Variants in ANO7 observed in about 807,000 individuals in gnomAD.
ANO7 encodes the protein anoctamin-7.
A neutral mutation model predicts 115.8 loss-of-function variants in ANO7; 114 were observed. That is an observed-to-expected ratio of 0.98 (90% CI 0.85 to 1.15). ANO7 has a LOEUF of 1.15. Among genes scored for constraint, ANO7 ranks in the 50% most tolerant of loss-of-function variants. The pLI, the probability that ANO7 is intolerant of heterozygous loss-of-function variation, is 0.00. For synonymous variants in ANO7, 550 were observed against 498.2 expected (o/e 1.10, Z -1.38); for missense variants, 1,302 against 1,201.2 (o/e 1.08, Z -1.24).
chr2:241,202,022 G>A (rs2068483980), intron 7 of ANO7, among the ~76,000 whole-genome samples, 172 bp from the exon 8 acceptor site: 1 of 152,240 alleles, frequency 6.6e-6, no homozygotes, highest in South Asian at 2.1e-4. Flanking sequence ...CGTCCTGCAT[G>A]TGCATGTGCG....
chr2:241,208,961 A>C (rs913675416), intron 11 of ANO7, among the ~76,000 whole-genome samples: 3 of 152,228 alleles, frequency 2.0e-5, no homozygotes, highest in East Asian at 1.9e-4. Flanking sequence ...CATCCTGGCT[A>C]ACACGGTGAA....
chr2:241,229,438 G>A (rs567881180), downstream of ANO7: 53 of 586,668 alleles, frequency 9.0e-5, no homozygotes, highest in African/African-American at 5.4e-4. Flanking sequence ...CTGGAGGAGC[G>A]GCCGCACACA....
At chr2:241,219,843 G>A (rs2068967798) in intron 21 of ANO7, among the ~76,000 whole-genome samples, 1 of 151,612 alleles carries the variant, frequency 6.6e-6, no homozygotes, top group Non-Finnish European at 1.5e-5. Flanking sequence ...AAAGCACTGG[G>A]ATTACAGGCA....
At chr2:241,208,926 G>T (rs1192517219) in intron 11 of ANO7, among the ~76,000 whole-genome samples, 1 of 152,098 alleles carries the variant, frequency 6.6e-6, no homozygotes, top group East Asian at 1.9e-4. Flanking sequence ...AAGGCGGGTG[G>T]ATCACAAGGT....
At chr2:241,235,363 G>A in the ANO7 span, 3 of 1,538,400 alleles carry the variant, frequency 2.0e-6, no homozygotes, top group African/African-American at 2.7e-5. Context: ...CCGCCGTGAA[G>A]GGAAGTCAGT....
rs534482633 is a variant in ANO7, at chr2:241,209,663, CGCCTCCAT to C, written c.1359+29_1359+36del. On this transcript the variant is annotated intron_variant, in intron 13 of 24. Coordinates refer to ENST00000674324, the MANE Select transcript of ANO7 (RefSeq NM_001370694.2). ...ATGCGGTCCCCCTGCCCTCCGCTCACGCCTCCATCCTCCTGCACCATGTGGGGTGGTTT... is the reference window on the plus strand; with the variant it reads ...ATGCGGTCCCCCTGCCCTCCGCTCACCCTCCTGCACCATGTGGGGTGGTTT... 6.1e-4 allele frequency: 919 copies of C among 1,512,294 alleles called. 10 individuals are homozygous for C. The South Asian group carries it at 0.011, about 18-fold the overall frequency. 93.7% of individuals were successfully genotyped at this position (1,512,294 alleles called of 1,614,324 possible).
intron 1 of ANO7, among the ~76,000 whole-genome samples, chr2:241,189,576 G>T (rs2149087013): frequency 6.6e-6 from 1 of 152,258 alleles, no homozygotes; most frequent in South Asian, 2.1e-4. Flanking sequence ...GCCTTGCTGG[G>T]GAGCTCAGGG....
Position 241,217,843 on chromosome 2 carries a change from C to G in ANO7, c.2130C>G (p.Ile710Met), listed in dbSNP as rs1304438556. The G allele has an allele frequency of 6.2e-7, 1 of 1,607,528 alleles. No homozygotes were observed. The highest frequency in any genetic ancestry group is 8.5e-7 in the Non-Finnish European group (1 of 1,178,454). Residue 710 changes from isoleucine to methionine, a missense_variant, in exon 20 of 25, where the codon ATC becomes ATG. By Grantham distance (10) the Ile-to-Met change is conservative. Transcript: ENST00000674324. ...CCGAGCGCGCCCAGGACATCGGCAT[C>G]TGGTTCCACATCCTGGCGGGCCTCA... The part of the protein sequence containing the change: ...PVAERAQDIG[I>M]WFHILAGLTH...
downstream of ANO7, chr2:241,227,748 G>A (rs10892): frequency 6.6e-6 from 1 of 152,440 alleles, no homozygotes; most frequent in African/African-American, 2.4e-5. Context: ...ATGGAGATTG[G>A]GGGGAGCTGG....
chr2:241,232,073 A>G, the ANO7 span, among the ~76,000 whole-genome samples: 1 of 152,158 alleles, frequency 6.6e-6, no homozygotes, highest in African/African-American at 2.4e-5. Context: ...TTGAAGCAAA[A>G]TGCCAGAGTG....
chr2:241,238,975 G>T, the ANO7 span, among the ~76,000 whole-genome samples: 1 of 152,186 alleles, frequency 6.6e-6, no homozygotes, highest in Admixed American at 6.5e-5. The surrounding 1 kb of genome is among the most constrained non-coding windows in gnomAD (Gnocchi z 4.9). Flanking sequence ...GTCTAAGGGG[G>T]TGGGCCTCCT....
intron 4 of ANO7, among the ~76,000 whole-genome samples, chr2:241,196,809 T>G (rs955334278): frequency 1.3e-5 from 2 of 150,294 alleles, no homozygotes; most frequent in African/African-American, 4.9e-5. Flanking sequence ...TCTGGGATGA[T>G]TATGAAAATC....
In ANO7 at chr2:241,197,390, G is replaced by A. The variant is rs113243177; in HGVS notation, c.309+1545G>A. 1.3e-3 allele frequency among the ~76,000 whole-genome samples: 196 copies of A among 151,914 alleles called. 1 individual carries two copies. The highest frequency in any genetic ancestry group is 2.2e-3 in the Non-Finnish European group (151 of 67,942). Reference sequence around the variant, plus strand: ...GCTGGGATTACAGGCGTGAGCCACCGCGCCAGGCCTAACGAGACAGGGTCT... The same window carrying A: ...GCTGGGATTACAGGCGTGAGCCACCACGCCAGGCCTAACGAGACAGGGTCT... On this transcript the variant is annotated intron_variant, in intron 4 of 24. Coordinates refer to ENST00000674324, the MANE Select transcript of ANO7 (RefSeq NM_001370694.2).
At chr2:241,240,264 A>C in the ANO7 span, 1 of 757,714 alleles carries the variant, frequency 1.3e-6, no homozygotes, top group Admixed American at 2.0e-5. This position sits in a 1 kb window ranked among gnomAD's most constrained non-coding sequence, Gnocchi z 5.5. Context: ...ATACCCCCAA[A>C]ATGGGGCTAG....
At chr2:241,199,267 C>T (rs1396571147) in intron 4 of ANO7, 49 bp from the exon 5 acceptor site, 8 of 1,463,030 alleles carry the variant, frequency 5.5e-6, no homozygotes, top group Non-Finnish European at 4.8e-6. Context: ...CATGTGCATA[C>T]GTGCACACAT....
Position 241,219,759 on chromosome 2 carries a change from A to C in ANO7, c.2321+1378A>C, listed in dbSNP as rs565660728. ...TTTTTTTTTTTTTTTTTCTTTAAAGAGATGGGGTCTTACTATGTTATGTTA... is the reference window on the plus strand; with the variant it reads ...TTTTTTTTTTTTTTTTTCTTTAAAGCGATGGGGTCTTACTATGTTATGTTA... On this transcript the variant is annotated intron_variant, in intron 21 of 24. Coordinates refer to ENST00000674324, the MANE Select transcript of ANO7 (RefSeq NM_001370694.2). 1.3e-4 allele frequency among the ~76,000 whole-genome samples: 18 copies of C among 142,646 alleles called. No individual in the cohort carries two copies. In the East Asian group the frequency reaches 3.7e-3, roughly 30 times the overall value. The allele number at this position is 142,646 out of a possible 152,430, so 93.6% of individuals were successfully genotyped here. A position where few individuals can be genotyped will look rare whatever the true frequency, so the allele number is the denominator to read the frequency against.
At chr2:241,232,867 T>C in the ANO7 span, among the ~76,000 whole-genome samples, 1 of 151,550 alleles carries the variant, frequency 6.6e-6, no homozygotes, top group African/African-American at 2.4e-5. Flanking sequence ...AAAAAATGTA[T>C]GTGGGGAGGG....
intron 4 of ANO7, 137 bp downstream of exon 4, chr2:241,195,982 C>T: frequency 6.4e-7 from 1 of 1,556,236 alleles, no homozygotes; most frequent in Non-Finnish European, 8.7e-7. Flanking sequence ...CTGGACCCCC[C>T]AGCCACCGTG....
rs543656184 is a variant in ANO7, at chr2:241,195,832, T to C, written c.296T>C (p.Leu99Pro). 7 of 1,614,204 alleles carry C rather than the reference T, an allele frequency of 4.3e-6. No individual in the cohort carries two copies. The South Asian group carries it at 6.6e-5, about 15-fold the overall frequency. The change falls in exon 4 of 25, where the codon CTG (leucine) becomes CCG (proline). Residue 99 changes from leucine to proline, a missense_variant. Coordinates refer to ENST00000674324, the MANE Select transcript of ANO7 (RefSeq NM_001370694.2). ...TFLDNLRAAG[L>P]CVDQQDVQDG... ...CTGGATAATCTTCGTGCGGCTGGGC[T>C]GTGTGTAGACCAGGTACGTGGAGGC...
Sources: gnomAD v4.1 joint callset for allele counts (sites outside exome capture counted in the v4.1 genomes callset) on GRCh38, gnomAD v4.1.1 for gene constraint, Gnocchi (gnomAD v3.1) non-coding constraint, MANE v1.5 for transcripts, NCBI Gene and HGNC (gene_info 2026-07-23, HGNC 2026-07-21) for gene names.